Variants in RAP1GDS1 observed in about 807,000 individuals in gnomAD.
The protein encoded by RAP1GDS1 is Rap1 GTPase-GDP dissociation stimulator 1.
RAP1GDS1 carries 35 observed loss-of-function variants against 71.1 expected under a neutral mutation model. The observed-to-expected ratio is 0.49, with a 90% CI of 0.38 to 0.65. RAP1GDS1 has a LOEUF of 0.65. RAP1GDS1 is among the 30% of genes least tolerant of loss of function. The pLI is 0.00. For synonymous variants in RAP1GDS1, 229 were observed against 243.1 expected (o/e 0.94, Z 0.54); for missense variants, 663 against 706.1 (o/e 0.94, Z 0.69).
At chr4:98,326,447 T>C (rs1733100741) in intron 2 of RAP1GDS1, among the ~76,000 whole-genome samples, 2 of 152,200 alleles carry the variant, frequency 1.3e-5, no homozygotes, top group South Asian at 4.1e-4. Flanking sequence ...TTTCTTTTCT[T>C]TCTAGGATTA....
intron 1 of RAP1GDS1, among the ~76,000 whole-genome samples, chr4:98,268,223 G>A (rs554267811): frequency 6.6e-6 from 1 of 152,162 alleles, no homozygotes; most frequent in African/African-American, 2.4e-5. Flanking sequence ...AAAATCATAC[G>A]ATCATCTCAG....
chr4:98,261,632 G>A, intron 1 of RAP1GDS1, 63 bp downstream of exon 1: 3 of 1,551,712 alleles, frequency 1.9e-6, no homozygotes, highest in East Asian at 2.3e-5. Context: ...GTGCTGCAGG[G>A]TGGGAAGCAT....
intron 6 of RAP1GDS1, among the ~76,000 whole-genome samples, chr4:98,398,661 A>G (rs1332855374): frequency 6.6e-6 from 1 of 152,180 alleles, no homozygotes; most frequent in Non-Finnish European, 1.5e-5. Context: ...GCCTGCAAAC[A>G]TGATCTTATA....
At chr4:98,411,327 A>T (rs1362032180) in intron 7 of RAP1GDS1, among the ~76,000 whole-genome samples, 1 of 152,208 alleles carries the variant, frequency 6.6e-6, no homozygotes, top group Non-Finnish European at 1.5e-5. Context: ...TAACATTGAG[A>T]CATTTAGGCT....
At chr4:98,432,025 T>C (rs1750487127) in intron 12 of RAP1GDS1, among the ~76,000 whole-genome samples, 1 of 152,168 alleles carries the variant, frequency 6.6e-6, no homozygotes, top group Non-Finnish European at 1.5e-5. Context: ...GTTGGTGTGC[T>C]GCACCCATTA....
At chr4:98,438,164 A>G (rs894898935) in intron 14 of RAP1GDS1, among the ~76,000 whole-genome samples, 14 of 151,968 alleles carry the variant, frequency 9.2e-5, no homozygotes, top group African/African-American at 3.4e-4. Context: ...TTATCATTAT[A>G]TAGTGTACCT....
At chr4:98,418,566 C>A (rs1293275338) in intron 9 of RAP1GDS1, 91 bp from the exon 10 acceptor site, 19 of 1,156,756 alleles carry the variant, frequency 1.6e-5, no homozygotes, top group Non-Finnish European at 1.8e-5. Context: ...GCTCCATTTT[C>A]CCTAATGTAG....
chr4:98,353,006 G>A (rs1273324637), intron 4 of RAP1GDS1, among the ~76,000 whole-genome samples: 7 of 151,978 alleles, frequency 4.6e-5, no homozygotes, highest in Non-Finnish European at 7.4e-5. Context: ...TTTGCAGTTC[G>A]GTAAAACCAA....
chr4:98,390,696 T>C lies in RAP1GDS1; in HGVS notation c.509-1256T>C, dbSNP rs190918710. Among the ~76,000 whole-genome samples, 456 of 152,252 alleles carry C rather than the reference T, an allele frequency of 3.0e-3. 1 individual carries two copies. Among genetic ancestry groups the C allele is most frequent in the Non-Finnish European group, 4.5e-3 (306 of 67,976 alleles). On this transcript the variant is annotated intron_variant, in intron 5 of 14. Coordinates refer to ENST00000408927, the MANE Select transcript of RAP1GDS1 (RefSeq NM_001100427.2). Reference sequence around the variant, plus strand: ...TAGCTCAACTCTGTATGTTCTTTTCTGAAAATCACCCACCTGCTTCCTTAT... The same window carrying C: ...TAGCTCAACTCTGTATGTTCTTTTCCGAAAATCACCCACCTGCTTCCTTAT...
At chr4:98,372,939 C>T (rs1740609522) in intron 4 of RAP1GDS1, among the ~76,000 whole-genome samples, 1 of 152,212 alleles carries the variant, frequency 6.6e-6, no homozygotes, top group Non-Finnish European at 1.5e-5. Flanking sequence ...ACCTTCCTGC[C>T]TTGGCCTCCC....
At chr4:98,335,788 C>CTTT (rs11416870) in intron 2 of RAP1GDS1, among the ~76,000 whole-genome samples, 47 of 141,680 alleles carry the variant, frequency 3.3e-4, no homozygotes, top group Admixed American at 9.8e-4. Context: ...GACTTCTTAC[C>CTTT]TTTTTTTTTT....
At chr4:98,381,406 T>C (rs1741996407) in intron 5 of RAP1GDS1, among the ~76,000 whole-genome samples, 1 of 151,674 alleles carries the variant, frequency 6.6e-6, no homozygotes, top group Non-Finnish European at 1.5e-5. Context: ...ACTGAAATTA[T>C]ATCCTTTTAT....
chr4:98,333,701 T>G (rs1183011869), intron 2 of RAP1GDS1, among the ~76,000 whole-genome samples: 1 of 152,102 alleles, frequency 6.6e-6, no homozygotes, highest in Non-Finnish European at 1.5e-5. Flanking sequence ...CCTAGATTAC[T>G]TATGAAAGTT....
chr4:98,413,383 A>G (rs997144520), intron 7 of RAP1GDS1, among the ~76,000 whole-genome samples: 2 of 121,732 alleles, frequency 1.6e-5, no homozygotes, highest in Non-Finnish European at 3.4e-5. Context: ...CCCCCACCCC[A>G]CCACAGTCCC....
At chr4:98,378,838 A>AC in intron 4 of RAP1GDS1, among the ~76,000 whole-genome samples, 179 bp from the exon 5 acceptor site, 1 of 151,262 alleles carries the variant, frequency 6.6e-6, no homozygotes, top group Non-Finnish European at 1.5e-5. Flanking sequence ...TCCCCATCCC[A>AC]CCCCCATTTC....
intron 1 of RAP1GDS1, among the ~76,000 whole-genome samples, chr4:98,284,559 T>A (rs1725697600): frequency 6.6e-6 from 1 of 152,202 alleles, no homozygotes; most frequent in African/African-American, 2.4e-5. Context: ...ATCACAACAA[T>A]GTCTCTTGCC....
rs750021384 is a variant in RAP1GDS1 at position 98,379,091 on chromosome 4, A to G, written c.436A>G (p.Ile146Val). ...VIDHLRSLCS[I>V]TDPANEKLLT... ...TGACCATTTAAGGTCACTGTGCAGTATAACAGATCCCGCCAATGAGAAGCT... is the reference window on the plus strand; with the variant it reads ...TGACCATTTAAGGTCACTGTGCAGTGTAACAGATCCCGCCAATGAGAAGCT... The change falls in exon 5 of 15, where the codon ATA (isoleucine) becomes GTA (valine). Residue 146 changes from isoleucine to valine, a missense_variant. Physicochemically the swap from Ile to Val is conservative, Grantham distance 29. Transcript: ENST00000408927. The G allele has an allele frequency of 3.1e-6, 5 of 1,611,320 alleles. No individual in the cohort carries two copies. In the Admixed American group the frequency reaches 6.7e-5, roughly 22 times the overall value.
At chr4:98,369,386 A>G (rs1317435421) in intron 4 of RAP1GDS1, among the ~76,000 whole-genome samples, 4 of 152,204 alleles carry the variant, frequency 2.6e-5, no homozygotes, top group Admixed American at 2.6e-4. Flanking sequence ...TTTTATTCCT[A>G]GATACTTGCC....
intron 12 of RAP1GDS1, among the ~76,000 whole-genome samples, chr4:98,421,789 A>C (rs1200851380): frequency 1.3e-5 from 2 of 152,204 alleles, no homozygotes; most frequent in East Asian, 3.9e-4. Flanking sequence ...GGCACATGGT[A>C]GATAACCAAT....
Sources: allele counts gnomAD v4.1 joint callset (sites outside exome capture counted in the v4.1 genomes callset), GRCh38; gene constraint gnomAD v4.1.1; transcripts MANE v1.5; gene names NCBI Gene and HGNC (gene_info 2026-07-23, HGNC 2026-07-21).